DLC1: variants seen among roughly 807,000 people sequenced by gnomAD.
The protein encoded by DLC1 is rho GTPase-activating protein 7.
Under a neutral mutation model 140.3 loss-of-function variants are expected in DLC1, and 54 were observed. The ratio of observed to expected loss-of-function variants is 0.38; its 90% CI spans 0.31 to 0.48. The LOEUF is 0.48. Ranked by LOEUF, DLC1 falls within the 20% of genes least tolerant of loss-of-function variation. DLC1 has a pLI of 0.96. For synonymous variants in DLC1, 986 were observed against 728.1 expected, an observed-to-expected ratio of 1.35 and a Z score of -5.70; for missense variants, 2,536 against 1,907.0, an observed-to-expected ratio of 1.33 and a Z score of -6.14.
At chr8:13,255,928 C>T (rs1208124593) in intron 5 of DLC1, among the ~76,000 whole-genome samples, 1 of 152,084 alleles carries the variant, frequency 6.6e-6, no homozygotes, top group African/African-American at 2.4e-5. Flanking sequence ...GGCCTGTATG[C>T]TATATCATTT....
intron 5 of DLC1, among the ~76,000 whole-genome samples, chr8:13,127,009 T>TG (rs1433437234): frequency 6.6e-6 from 1 of 152,178 alleles, no homozygotes; most frequent in African/African-American, 2.4e-5. Flanking sequence ...GGCAGGTACT[T>TG]GTTAGGAGTA....
At chr8:13,458,967 T>C (rs1346385071) in intron 2 of DLC1, among the ~76,000 whole-genome samples, 4 of 152,208 alleles carry the variant, frequency 2.6e-5, no homozygotes, top group Non-Finnish European at 4.4e-5. Flanking sequence ...TTTTGTAGAT[T>C]AAAGTCCAAC....
At chr8:13,453,404 G>GTGTATA (rs1554523011) in intron 2 of DLC1, among the ~76,000 whole-genome samples, 8 of 22,968 alleles carry the variant, frequency 3.5e-4, no homozygotes, top group African/African-American at 1.2e-3. Flanking sequence ...ATATATATGT[G>GTGTATA]TATATATATA....
intron 4 of DLC1, among the ~76,000 whole-genome samples, chr8:13,332,137 C>G (rs759961881): frequency 5.3e-5 from 8 of 152,092 alleles, no homozygotes; most frequent in Non-Finnish European, 1.2e-4. Context: ...TTCTTAATGC[C>G]CCTTTAAATT....
intron 5 of DLC1, among the ~76,000 whole-genome samples, chr8:13,168,479 T>A (rs1391169510): frequency 6.6e-6 from 1 of 152,178 alleles, no homozygotes; most frequent in Non-Finnish European, 1.5e-5. Context: ...ATTATTCCTG[T>A]TATGGAAATA....
At chr8:13,381,371 C>T (rs1449799396) in intron 4 of DLC1, among the ~76,000 whole-genome samples, 2 of 152,190 alleles carry the variant, frequency 1.3e-5, no homozygotes, top group Non-Finnish European at 2.9e-5. Flanking sequence ...AAGGAGATCA[C>T]AGGTGTGGTA....
chr8:13,370,652 G>A (rs1173016870), intron 4 of DLC1, among the ~76,000 whole-genome samples: 1 of 152,176 alleles, frequency 6.6e-6, no homozygotes, highest in African/African-American at 2.4e-5. Context: ...GCTGAAATCA[G>A]GGCTCAGCTA....
intron 17 of DLC1, 26 bp from the exon 18 acceptor site, chr8:13,085,957 G>C (rs553294399): frequency 1.2e-6 from 2 of 1,609,288 alleles, no homozygotes; most frequent in East Asian, 4.5e-5. Flanking sequence ...AAGAAAAGCT[G>C]ATGAATTATT....
At chr8:13,603,235 C>A (rs1401958166) in intron 1 of DLC1, among the ~76,000 whole-genome samples, 1 of 151,736 alleles carries the variant, frequency 6.6e-6, no homozygotes, top group Admixed American at 6.6e-5. Context: ...ACATCATTAA[C>A]TATGATTAAT....
At chr8:13,408,164 A>T (rs554528361) in intron 2 of DLC1, among the ~76,000 whole-genome samples, 1 of 152,232 alleles carries the variant, frequency 6.6e-6, no homozygotes, top group South Asian at 2.1e-4. Flanking sequence ...AACAACAACT[A>T]TTTCCTGTTT....
intron 5 of DLC1, among the ~76,000 whole-genome samples, chr8:13,251,745 A>G (rs1830014826): frequency 6.6e-6 from 1 of 152,134 alleles, no homozygotes; most frequent in South Asian, 2.1e-4. Context: ...AAGTTTCTTC[A>G]TCTTTAAAAT....
At chr8:13,175,285 G>A (rs1288782069) in intron 5 of DLC1, among the ~76,000 whole-genome samples, 1 of 147,702 alleles carries the variant, frequency 6.8e-6, no homozygotes, top group Non-Finnish European at 1.5e-5. Flanking sequence ...TTGAAGTTGG[G>A]TAATGTGATG....
intron 5 of DLC1, among the ~76,000 whole-genome samples, chr8:13,236,756 T>G (rs1015058960): frequency 2.0e-5 from 3 of 152,088 alleles, no homozygotes; most frequent in African/African-American, 7.2e-5. Context: ...ATGAGTTTAT[T>G]AAAATAAATA....
At chr8:13,270,364 G>A (rs915762765) in intron 5 of DLC1, among the ~76,000 whole-genome samples, 12 of 152,130 alleles carry the variant, frequency 7.9e-5, no homozygotes, top group South Asian at 2.1e-4. Flanking sequence ...GGAGGTGTGC[G>A]AAACATCCCT....
intron 5 of DLC1, among the ~76,000 whole-genome samples, chr8:13,231,921 T>A (rs1192014487): frequency 6.6e-6 from 1 of 152,196 alleles, no homozygotes; most frequent in African/African-American, 2.4e-5. Context: ...GTCCAGCTGT[T>A]GGGGTCGCCA....
chr8:13,141,289 G>C (rs192871431), intron 5 of DLC1, among the ~76,000 whole-genome samples: 2 of 96,390 alleles, frequency 2.1e-5, no homozygotes, highest in African/African-American at 3.8e-5. Flanking sequence ...AAAAAAGCCA[G>C]CTGCTAAAAA....
At chr8:13,550,003 C>G (rs1348773759) in intron 1 of DLC1, among the ~76,000 whole-genome samples, 2 of 152,090 alleles carry the variant, frequency 1.3e-5, no homozygotes, top group Admixed American at 1.3e-4. Flanking sequence ...TTGAAGAAAT[C>G]AGTGAAGTAT....
At chr8:13,501,842 G>A (rs1331600844) in intron 1 of DLC1, among the ~76,000 whole-genome samples, 9 of 152,128 alleles carry the variant, frequency 5.9e-5, no homozygotes, top group African/African-American at 1.9e-4. Context: ...TCATTATAAC[G>A]TGGGAGGCTA....
intron 5 of DLC1, among the ~76,000 whole-genome samples, chr8:13,204,061 G>A (rs764781182): frequency 6.6e-6 from 1 of 152,138 alleles, no homozygotes; most frequent in African/African-American, 2.4e-5. Context: ...GGGGTCGGAG[G>A]TGACTTTGAA....
Sources: allele counts gnomAD v4.1 joint callset (sites outside exome capture counted in the v4.1 genomes callset), GRCh38; gene constraint gnomAD v4.1.1; transcripts MANE v1.5; gene names NCBI Gene and HGNC (gene_info 2026-07-23, HGNC 2026-07-21).